Variants in MGAM observed in about 807,000 individuals in gnomAD.
The protein encoded by MGAM is maltase-glucoamylase.
Under a neutral mutation model 358.8 loss-of-function variants are expected in MGAM, and 253 were observed. The ratio of observed to expected loss-of-function variants is 0.71; its 90% confidence interval spans 0.64 to 0.78. The LOEUF is 0.78. Ranked by LOEUF, MGAM falls within the 30% of genes least tolerant of loss-of-function variation. The pLI is 0.00. For synonymous variants in MGAM, 1,105 were observed against 1,227.1 expected (o/e 0.90, Z 2.08); for missense variants, 3,080 against 3,432.6 (o/e 0.90, Z 2.57).
At position 142,091,623 on chromosome 7, in the gene MGAM, G is replaced by C; in HGVS notation, c.6811-290G>C. On this transcript the variant is annotated intron_variant, in intron 57 of 70. Coordinates refer to ENST00000475668, the MANE Select transcript of MGAM (RefSeq NM_001365693.1). ...TGGCAGGACTGACATTGAGGGTTGGGCATCGAATGCATGAGGTCACTAGTT... is the reference window on the plus strand; with the variant it reads ...TGGCAGGACTGACATTGAGGGTTGGCCATCGAATGCATGAGGTCACTAGTT... Among the ~76,000 whole-genome samples, 2 of 146,092 alleles carry C rather than the reference G, an allele frequency of 1.4e-5. 1 individual carries two copies.
At chr7:142,046,013 GTATACATACAATATGTAATATATATTATA>G (rs1233864060) in intron 21 of MGAM, among the ~76,000 whole-genome samples, 787 of 34,864 alleles carry the variant, frequency 0.023, 35 homozygotes, top group Non-Finnish European at 0.033. Context: ...TATATATTAT[GTATACATACAATATGTAATATATATTATA>G]TATACATACA....
intron 3 of MGAM, among the ~76,000 whole-genome samples, chr7:142,011,600 C>T (rs535268716): frequency 4.2e-4 from 64 of 152,260 alleles, no homozygotes; most frequent in Non-Finnish European, 3.2e-4. Context: ...AGCTCTTTGA[C>T]TTGATCAGTA....
chr7:142,097,235 C>T (rs538870165), intron 65 of MGAM, among the ~76,000 whole-genome samples: 5 of 152,292 alleles, frequency 3.3e-5, no homozygotes, highest in Admixed American at 6.5e-5. Flanking sequence ...CCGTGTCCAG[C>T]CCGCAAATCT....
At chr7:142,105,379 C>G (rs1027326031) in intron 70 of MGAM, among the ~76,000 whole-genome samples, 2 of 152,076 alleles carry the variant, frequency 1.3e-5, no homozygotes, top group Admixed American at 6.6e-5. Flanking sequence ...TCTCCGCCTC[C>G]CAAGTTCAAG....
At position 142,019,272 on chromosome 7, in the gene MGAM, A is replaced by G. The variant is rs370701658; in HGVS notation, c.401A>G (p.Lys134Arg). 14 of 1,613,492 alleles carry G rather than the reference A, an allele frequency of 8.7e-6. No homozygotes were observed. The highest frequency in any genetic ancestry group is 4.5e-5 in the East Asian group (2 of 44,874). ...AGTGTTCCCTGGTGCTACTATTCCA[A>G]GAATCATAGCTACCATGTAGAGGGC... ...AVSVPWCYYS[K>R]NHSYHVEGNL... is the part of the protein sequence containing the mutation. The change falls in exon 4 of 71, where the codon AAG (lysine) becomes AGG (arginine). Residue 134 changes from lysine to arginine, a missense_variant. By Grantham distance (26) the Lys-to-Arg change is conservative. This residue lies in a region of MGAM where 1,816 missense variants were observed against 1,840.5 expected (regional missense o/e 0.99). Transcript: ENST00000475668.
rs1807787647 is a variant in MGAM, at chr7:142,034,372, A to G, written c.1780A>G (p.Thr594Ala). 1.3e-6 allele frequency: 2 copies of G among 1,569,034 alleles called. No individual in the cohort carries two copies. The highest frequency in any genetic ancestry group is 1.7e-6 in the Non-Finnish European group (2 of 1,154,648). The change falls in exon 15 of 71, where the codon ACA (threonine) becomes GCA (alanine). Residue 594 changes from threonine to alanine, a missense_variant. Around this residue, in one of 5 missense-constraint regions of MGAM, gnomAD observed 1,816 missense variants for 1,840.5 expected, o/e 0.99. Coordinates refer to ENST00000475668, the MANE Select transcript of MGAM (RefSeq NM_001365693.1). ...NLYGYSMAVA[T>A]AEAAKTVFPN... ...GTATGGCTACTCCATGGCGGTCGCC[A>G]CAGCAGAGTAAGGCCACTATGGCTA...
At chr7:142,044,122 C>T (rs182411455) in intron 21 of MGAM, among the ~76,000 whole-genome samples, 2,622 of 139,538 alleles carry the variant, frequency 0.019, 171 homozygotes, top group African/African-American at 0.067. Flanking sequence ...TATACACATA[C>T]GACGTATAAT....
At chr7:142,076,160 G>A in intron 45 of MGAM, 43 bp from the exon 46 acceptor site, 1 of 1,436,102 alleles carries the variant, frequency 7.0e-7, no homozygotes, top group Non-Finnish European at 9.8e-7. Context: ...GTTCTTCTGT[G>A]GTGGGCAAGC....
At chr7:142,053,583 A>G (rs1393357733) in intron 26 of MGAM, among the ~76,000 whole-genome samples, 1 of 152,278 alleles carries the variant, frequency 6.6e-6, no homozygotes, top group African/African-American at 2.4e-5. Flanking sequence ...AATTGCATTT[A>G]AGGACTAGGG....
chr7:142,095,305 A>G (rs553536896), intron 63 of MGAM, among the ~76,000 whole-genome samples: 3 of 152,268 alleles, frequency 2.0e-5, no homozygotes, highest in Non-Finnish European at 2.9e-5. Flanking sequence ...TTAGGTTATT[A>G]TTATGTTTTG....
intron 39 of MGAM, 23 bp downstream of exon 39, chr7:142,065,645 T>C: frequency 1.2e-6 from 2 of 1,613,070 alleles, no homozygotes; most frequent in Non-Finnish European, 1.7e-6. Flanking sequence ...GGGATCCTCC[T>C]AAGCACCAAG....
chr7:142,055,426 G>A, intron 27 of MGAM, 132 bp from the exon 28 acceptor site: 5 of 1,079,046 alleles, frequency 4.6e-6, no homozygotes, highest in Non-Finnish European at 5.5e-6. Flanking sequence ...ATCAAATTGA[G>A]TTTCAGTTTT....
chr7:142,004,605 TAC>T (rs1805002829), intron 1 of MGAM: 1 of 152,012 alleles, frequency 6.6e-6, no homozygotes, highest in Non-Finnish European at 1.5e-5. Context: ...GGGTGATTGG[TAC>T]ACTAAAAGCC....
At chr7:141,995,719 TTAGAGCAAGACCACGATTACTAA>T (rs1412805542), upstream of MGAM, 1 of 152,246 alleles carries the variant, frequency 6.6e-6, no homozygotes, top group Non-Finnish European at 1.5e-5. Flanking sequence ...GATGTCCTTC[TTAGAGCAAGACCACGATTACTAA>T]TTAACTAAAA....
intron 57 of MGAM, among the ~76,000 whole-genome samples, chr7:142,088,795 A>G (rs1464827366): frequency 8.9e-6 from 1 of 112,356 alleles, no homozygotes; most frequent in Admixed American, 9.6e-5. Flanking sequence ...CTATCTATCT[A>G]TCTATCATTC....
intron 35 of MGAM, among the ~76,000 whole-genome samples, chr7:142,063,171 C>G (rs1476991429): frequency 1.3e-5 from 2 of 151,884 alleles, no homozygotes; most frequent in East Asian, 1.9e-4. Flanking sequence ...GCACTCCAGC[C>G]TGGGAAACAA....
upstream of MGAM, among the ~76,000 whole-genome samples, chr7:141,993,601 C>G (rs1479580663): frequency 6.6e-6 from 1 of 152,144 alleles, no homozygotes; most frequent in Non-Finnish European, 1.5e-5. Context: ...AAGTTCTTAA[C>G]CTGGGGTTTG....
intron 68 of MGAM, 109 bp downstream of exon 68, chr7:142,100,999 A>T: frequency 1.0e-6 from 1 of 964,648 alleles, no homozygotes; most frequent in Non-Finnish European, 1.5e-6. Context: ...TGCATTTTAA[A>T]ATATAATCAT....
chr7:142,105,156 T>C (rs1434464690), intron 70 of MGAM, among the ~76,000 whole-genome samples: 1 of 152,084 alleles, frequency 6.6e-6, no homozygotes, highest in Non-Finnish European at 1.5e-5. Context: ...GGGCAAACAC[T>C]GGGGTGCTAT....
Sources: gnomAD v4.1 joint callset for allele counts (sites outside exome capture counted in the v4.1 genomes callset) on GRCh38, gnomAD v4.1.1 for gene constraint, gnomAD v4.1.1 regional missense constraint, MANE v1.5 for transcripts, NCBI Gene and HGNC (gene_info 2026-07-23, HGNC 2026-07-21) for gene names.